The following CLTC variants were observed in gnomAD, a reference collection of about 807,000 sequenced individuals.
CLTC encodes clathrin heavy chain.
CLTC carries 16 observed loss-of-function variants against 195.8 expected under a neutral mutation model. The ratio of observed to expected loss-of-function variants is 0.08; its 90% CI spans 0.06 to 0.12. CLTC has a LOEUF of 0.12. Among genes scored for constraint, CLTC ranks in the 10% least tolerant of loss-of-function variants. The probability of loss-of-function intolerance (pLI) is 1.00; values close to 1 mark genes in which losing one functional copy is unlikely to be tolerated. For synonymous variants in CLTC, 667 were observed against 689.4 expected (o/e 0.97, Z 0.51); for missense variants, 796 against 2,027.0 (o/e 0.39, Z 11.66).
chr17:59,642,499 T>C (rs1042561804), intron 1 of CLTC, among the ~76,000 whole-genome samples: 14 of 152,160 alleles, frequency 9.2e-5, no homozygotes, highest in African/African-American at 3.1e-4. Context: ...ACTGGAATGT[T>C]TTCTCCAATT....
rs781155006 is a variant in CLTC at position 59,660,480 on chromosome 17, A to G, written c.1059A>G (p.Val353=). The change falls in exon 7 of 32, where the codon GTA becomes GTG. Residue 353 remains valine, a synonymous_variant. Coordinates refer to ENST00000269122, the MANE Select transcript of CLTC (RefSeq NM_004859.4). ...CTGATTTGGCTCTGAGAATGGCTGT[A>G]CGTAATAACTTAGCCGGTGCTGAAG... ...QNPDLALRMA[V]RNNLAGAEEL... The G allele has an allele frequency of 6.2e-7, 1 of 1,614,152 alleles. No individual in the cohort carries two copies. Among genetic ancestry groups the G allele is most frequent in the Non-Finnish European group, 8.5e-7 (1 of 1,179,990 alleles).
At chr17:59,634,155 C>T (rs2031800755) in intron 1 of CLTC, among the ~76,000 whole-genome samples, 1 of 152,150 alleles carries the variant, frequency 6.6e-6, no homozygotes, top group Admixed American at 6.5e-5. Flanking sequence ...GAGGTCCTCC[C>T]ACCTTGGCCT....
At chr17:59,631,320 G>A (rs956489236) in intron 1 of CLTC, among the ~76,000 whole-genome samples, 3 of 152,256 alleles carry the variant, frequency 2.0e-5, no homozygotes, top group Admixed American at 1.3e-4. Context: ...ATACTGAGTG[G>A]GAGTGTCTCA....
intron 1 of CLTC, among the ~76,000 whole-genome samples, chr17:59,636,377 A>G (rs1429025018): frequency 1.3e-5 from 2 of 152,248 alleles, no homozygotes; most frequent in African/African-American, 4.8e-5. Flanking sequence ...AAGACAGGAA[A>G]AACAAAGTTT....
intron 1 of CLTC, among the ~76,000 whole-genome samples, chr17:59,626,277 T>C (rs1158126705): frequency 1.4e-4 from 21 of 152,188 alleles, no homozygotes; most frequent in Admixed American, 1.4e-3. Context: ...GTTCGAACAT[T>C]TGATATTGTG....
chr17:59,686,053 T>C (rs1424984733), intron 30 of CLTC, among the ~76,000 whole-genome samples: 4 of 152,190 alleles, frequency 2.6e-5, no homozygotes, highest in Non-Finnish European at 5.9e-5. Flanking sequence ...ATGTATTTTT[T>C]TATTTAAAAA....
chr17:59,648,420 A>G lies in CLTC; in HGVS notation c.681+19A>G, dbSNP rs1321859699. The G allele has an allele frequency of 6.2e-7, 1 of 1,603,192 alleles. No homozygotes were observed. Among genetic ancestry groups the G allele is most frequent in the African/African-American group, 1.3e-5 (1 of 74,620 alleles). ...AGGGAAGGTAAGTTTTGGCTTTGGT[A>G]ATTATTTTAATGAGAACTTGTATTT... is the stretch of plus-strand genomic sequence containing the variant. On this transcript the variant is annotated intron_variant, in intron 4 of 31. Coordinates refer to ENST00000269122, the MANE Select transcript of CLTC (RefSeq NM_004859.4). This position sits in a 1 kb window ranked among gnomAD's most constrained non-coding sequence, Gnocchi z 4.5.
Position 59,655,874 on chromosome 17 carries a change from G to T in CLTC, c.816G>T (p.Val272=). 1 of 1,587,836 alleles carries T rather than the reference G, an allele frequency of 6.3e-7. No homozygotes were observed. Residue 272 remains valine, a synonymous_variant, in exon 6 of 32, where the codon GTG becomes GTT. Coordinates refer to ENST00000269122, the MANE Select transcript of CLTC (RefSeq NM_004859.4). Reference sequence around the variant, plus strand: ...TGTAGATCAGTGAAAAGCATGATGTGGTGTTCTTGATAACCAAGTATGGTT... The same window carrying T: ...TGTAGATCAGTGAAAAGCATGATGTTGTGTTCTTGATAACCAAGTATGGTT... ...VAMQISEKHD[V]VFLITKYGYI...
intron 14 of CLTC, among the ~76,000 whole-genome samples, chr17:59,670,733 A>G (rs2032831189): frequency 1.3e-5 from 2 of 152,310 alleles, no homozygotes; most frequent in East Asian, 3.9e-4. Flanking sequence ...GCTTTAAAAA[A>G]AATCCTCTAG....
intron 2 of CLTC, chr17:59,645,888 A>G: frequency 5.9e-6 from 1 of 168,598 alleles, no homozygotes; most frequent in Non-Finnish European, 1.2e-5. Flanking sequence ...AAGAATTTAA[A>G]TTCAGGTCCT....
intron 2 of CLTC, chr17:59,645,904 A>C: frequency 5.2e-6 from 1 of 192,122 alleles, no homozygotes; most frequent in Non-Finnish European, 9.5e-6. Context: ...GTCCTTAGCA[A>C]TTCCCATGCC....
Position 59,648,384 on chromosome 17 carries a change from G to A in CLTC, c.664G>A (p.Gly222Ser), listed in dbSNP as rs752425271. ...ESTLFCFAVR[G>S]QAGGKLHIIE... is the part of the protein sequence containing the mutation. Reference sequence around the variant, plus strand: ...AACGTTATTTTGTTTTGCAGTTCGGGGCCAAGCTGGAGGGAAGGTAAGTTT... The same window carrying A: ...AACGTTATTTTGTTTTGCAGTTCGGAGCCAAGCTGGAGGGAAGGTAAGTTT... Residue 222 changes from glycine (G) to serine (S), a missense_variant, in exon 4 of 32, where the codon GGC becomes AGC. By Grantham distance (56) the Gly-to-Ser change is moderately conservative. Transcript: ENST00000269122. This position sits in a 1 kb window ranked among gnomAD's most constrained non-coding sequence, Gnocchi z 4.5. The A allele has an allele frequency of 6.2e-7, 1 of 1,613,338 alleles. No individual in the cohort carries two copies. Among genetic ancestry groups the A allele is most frequent in the South Asian group, 1.1e-5 (1 of 91,010 alleles).
chr17:59,678,648 T>A (rs1358943482), intron 17 of CLTC, among the ~76,000 whole-genome samples: 1 of 152,234 alleles, frequency 6.6e-6, no homozygotes, highest in Non-Finnish European at 1.5e-5. Flanking sequence ...GCTCATTTTG[T>A]ACCTTCAGCA....
intron 14 of CLTC, among the ~76,000 whole-genome samples, chr17:59,670,578 C>G (rs907594599): frequency 6.6e-6 from 1 of 152,018 alleles, no homozygotes; most frequent in Non-Finnish European, 1.5e-5. Flanking sequence ...CTACCAGATT[C>G]TTAAATGATT....
Position 59,648,603 on chromosome 17 carries a change from G to A in CLTC, c.681+202G>A. On this transcript the variant is annotated intron_variant, in intron 4 of 31. Transcript: ENST00000269122. This position sits in a 1 kb window ranked among gnomAD's most constrained non-coding sequence, Gnocchi z 4.5. ...ATGTTCTTTCACAACTCGTTCTGTT[G>A]GCTGTTTATATTCTTTGATTGCTAA... 1 of 530,652 alleles carries A rather than the reference G, an allele frequency of 1.9e-6. No individual in the cohort carries two copies. Among genetic ancestry groups the A allele is most frequent in the East Asian group, 3.0e-5 (1 of 33,150 alleles). 32.9% of individuals were successfully genotyped at this position (530,652 alleles called of 1,614,324 possible).
chr17:59,651,355 C>T, intron 5 of CLTC, 39 bp downstream of exon 5: 1 of 1,352,346 alleles, frequency 7.4e-7, no homozygotes, highest in Non-Finnish European at 1.1e-6. Context: ...AAAAATCTCT[C>T]CTCTTAAAAG....
At chr17:59,691,126 G>A (rs1021776062) in intron 31 of CLTC, among the ~76,000 whole-genome samples, 1 of 152,078 alleles carries the variant, frequency 6.6e-6, no homozygotes, top group Non-Finnish European at 1.5e-5. Context: ...CAGAGAACTG[G>A]GTAGAGTTTC....
Position 59,683,818 on chromosome 17 carries a change from T to G in CLTC, c.4324-57T>G. 6.2e-7 allele frequency: 1 copy of G among 1,612,588 alleles called. No homozygotes were observed. ...GGAATTAGGACATACTTCGATAACT[T>G]TTGTCCCTGGGACTTCAATAATGTG... On this transcript the variant is annotated intron_variant, in intron 27 of 31. Coordinates refer to ENST00000269122, the MANE Select transcript of CLTC (RefSeq NM_004859.4). The surrounding 1 kb of genome is among the most constrained non-coding windows in gnomAD (Gnocchi z 6.1).
chr17:59,624,386 G>A (rs1300056806), intron 1 of CLTC, among the ~76,000 whole-genome samples: 4 of 150,030 alleles, frequency 2.7e-5, no homozygotes, highest in Non-Finnish European at 2.9e-5. Context: ...ATAGTAGACA[G>A]AACAGGGAGG....
Sources: allele counts gnomAD v4.1 joint callset (sites outside exome capture counted in the v4.1 genomes callset), GRCh38; gene constraint gnomAD v4.1.1; non-coding constraint Gnocchi (gnomAD v3.1); transcripts MANE v1.5; gene names NCBI Gene and HGNC (gene_info 2026-07-23, HGNC 2026-07-21).